Variants in SUSD1 observed in about 807,000 individuals in gnomAD.
The protein encoded by SUSD1 is sushi domain containing 1, also known as sushi domain-containing protein 1.
Under a neutral mutation model 86.9 loss-of-function variants are expected in SUSD1, and 65 were observed. That is an observed-to-expected ratio of 0.75 (90% CI 0.61 to 0.92). The LOEUF (loss-of-function observed/expected upper bound fraction) is 0.92. Among genes scored for constraint, SUSD1 ranks in the 40% least tolerant of loss-of-function variants. The probability of loss-of-function intolerance (pLI) is 0.00; values close to 1 mark genes in which losing one functional copy is unlikely to be tolerated. For missense variants in SUSD1, 850 were observed against 929.7 expected (o/e 0.91, Z 1.11); for synonymous variants, 346 against 350.0 (o/e 0.99, Z 0.13).
At chr9:112,164,518 C>G (rs1046882629) in intron 1 of SUSD1, among the ~76,000 whole-genome samples, 9 of 150,658 alleles carry the variant, frequency 6.0e-5, no homozygotes, top group African/African-American at 2.2e-4. Context: ...TGCACTCCAG[C>G]CTAGAAAACA....
intron 3 of SUSD1, among the ~76,000 whole-genome samples, chr9:112,145,004 G>C (rs1368369247): frequency 6.6e-6 from 1 of 152,100 alleles, no homozygotes; most frequent in African/African-American, 2.4e-5. Context: ...TGCTCAAGAG[G>C]CTGAGGCAGG....
intron 10 of SUSD1, among the ~76,000 whole-genome samples, chr9:112,088,017 G>T (rs1830054451): frequency 6.6e-6 from 1 of 152,188 alleles, no homozygotes. Flanking sequence ...AAAGAATCAG[G>T]CTGCATCAGA....
chr9:112,066,099 A>C (rs1201129894), intron 12 of SUSD1, among the ~76,000 whole-genome samples: 3 of 152,348 alleles, frequency 2.0e-5, no homozygotes, highest in Middle Eastern at 3.4e-3. Flanking sequence ...TGTGGAACTC[A>C]GTAATTTGAC....
At chr9:112,118,142 T>C (rs1831405914) in intron 6 of SUSD1, among the ~76,000 whole-genome samples, 1 of 152,194 alleles carries the variant, frequency 6.6e-6, no homozygotes, top group Non-Finnish European at 1.5e-5. Context: ...CCCAAACAGA[T>C]GGTCAAGCAA....
intron 10 of SUSD1, among the ~76,000 whole-genome samples, chr9:112,081,106 C>G (rs542300438): frequency 6.6e-6 from 1 of 152,334 alleles, no homozygotes; most frequent in South Asian, 2.1e-4. Flanking sequence ...ATTCAAAACC[C>G]TGACATCAGA....
At chr9:112,127,137 C>T (rs1171312221) in intron 5 of SUSD1, among the ~76,000 whole-genome samples, 1 of 152,048 alleles carries the variant, frequency 6.6e-6, no homozygotes, top group Non-Finnish European at 1.5e-5. Flanking sequence ...TTTGGGAGGC[C>T]GAGGCAGGCA....
intron 3 of SUSD1, among the ~76,000 whole-genome samples, chr9:112,147,594 C>T (rs914266689): frequency 1.3e-5 from 2 of 151,932 alleles, no homozygotes; most frequent in African/African-American, 4.8e-5. Context: ...CATGGTGAAA[C>T]CCCGTCTCTC....
At chr9:112,043,615 T>C (rs1827835779) in intron 15 of SUSD1, among the ~76,000 whole-genome samples, 1 of 152,174 alleles carries the variant, frequency 6.6e-6, no homozygotes, top group South Asian at 2.1e-4. Flanking sequence ...TCTGTCTTGA[T>C]AAATCAGCTC....
At chr9:112,139,180 T>A (rs759630453) in intron 5 of SUSD1, among the ~76,000 whole-genome samples, 6 of 152,346 alleles carry the variant, frequency 3.9e-5, no homozygotes. Flanking sequence ...CTATTTGTAG[T>A]ATTCCAGAAA....
rs185169866 is a variant in SUSD1 at position 112,074,864 on chromosome 9, G to A, written c.1753+3674C>T. Among the ~76,000 whole-genome samples, 38 of 149,252 alleles carry A rather than the reference G, an allele frequency of 2.5e-4. No homozygotes were observed. In the South Asian group the frequency reaches 7.6e-3, roughly 30 times the overall value. On this transcript the variant is annotated intron_variant, in intron 12 of 16. Transcript: ENST00000374270. ...TTTTTTTATGCTTCTTTAAAATTACGAGTCCTTTAAAGTGGGTAGAGTTGG... is the reference window on the plus strand; with the variant it reads ...TTTTTTTATGCTTCTTTAAAATTACAAGTCCTTTAAAGTGGGTAGAGTTGG...
chr9:112,165,197 T>A (rs1481921445), intron 1 of SUSD1, among the ~76,000 whole-genome samples: 1 of 152,204 alleles, frequency 6.6e-6, no homozygotes, highest in Non-Finnish European at 1.5e-5. Context: ...CTGTTTATAT[T>A]TATGGGGTAC....
At chr9:112,146,271 T>A (rs1229035754) in intron 3 of SUSD1, 2 of 152,184 alleles carry the variant, frequency 1.3e-5, no homozygotes, top group African/African-American at 4.8e-5. Context: ...TGGCTGCCAG[T>A]GGACATGGTC....
intron 10 of SUSD1, among the ~76,000 whole-genome samples, chr9:112,089,053 G>C (rs1396796885): frequency 6.6e-6 from 1 of 152,162 alleles, no homozygotes; most frequent in African/African-American, 2.4e-5. Flanking sequence ...GCTACAGTGA[G>C]CTATGATCAA....
At chr9:112,114,777 A>C (rs1831242697) in intron 6 of SUSD1, among the ~76,000 whole-genome samples, 1 of 152,094 alleles carries the variant, frequency 6.6e-6, no homozygotes, top group Non-Finnish European at 1.5e-5. Context: ...AGTGCAGGGG[A>C]GTTAAAATCC....
chr9:112,047,202 C>T (rs1827993449), intron 15 of SUSD1, among the ~76,000 whole-genome samples: 1 of 152,054 alleles, frequency 6.6e-6, no homozygotes, highest in Non-Finnish European at 1.5e-5. Context: ...TTCACATGGC[C>T]AGAGCAGGAG....
rs762062313 is a variant in SUSD1 at position 112,078,617 on chromosome 9, C to T, written c.1674G>A (p.Pro558=). 9.3e-6 allele frequency: 15 copies of T among 1,613,848 alleles called. No individual in the cohort carries two copies. The highest frequency in any genetic ancestry group is 1.6e-4 in the Middle Eastern group (1 of 6,084). The change falls in exon 12 of 17, where the codon CCG becomes CCA. Residue 558 remains proline (P), a synonymous_variant. Transcript: ENST00000374270. ...RDPEVCLDLR[P]GTNYNVSLRA... is the part of the protein sequence containing the mutation. ...GGAGACTGACATTGTAGTTGGTACC[C>T]GGACGTAGGTCCAAGCACACCTCGG...
chr9:112,091,916 G>C (rs994425069), intron 10 of SUSD1, among the ~76,000 whole-genome samples: 48 of 152,172 alleles, frequency 3.2e-4, no homozygotes, highest in African/African-American at 1.2e-3. Context: ...ATTACAAGGA[G>C]AGGAATTTTG....
chr9:112,110,234 A>G (rs749315415), intron 8 of SUSD1, among the ~76,000 whole-genome samples: 1 of 152,180 alleles, frequency 6.6e-6, no homozygotes, highest in Non-Finnish European at 1.5e-5. Flanking sequence ...CTGTAATCCC[A>G]GCTACTCAGA....
In SUSD1 at chr9:112,093,948, G is replaced by C. The variant is rs112606454; in HGVS notation, c.1474+4522C>G. On this transcript the variant is annotated intron_variant, in intron 10 of 16. Coordinates refer to ENST00000374270, the MANE Select transcript of SUSD1 (RefSeq NM_022486.5). ...TAGCTACCACTTTTTTTTTATTTCA[G>C]TCTTTCTTTTCTTATTATGTCTCCG... Among the ~76,000 whole-genome samples the C allele has an allele frequency of 9.5e-3, 1,451 of 152,150 alleles. 17 individuals are homozygous for C. The highest frequency in any genetic ancestry group is 0.027 in the Middle Eastern group (8 of 294).
Sources: gnomAD v4.1 joint callset for allele counts (sites outside exome capture counted in the v4.1 genomes callset) on GRCh38, gnomAD v4.1.1 for gene constraint, MANE v1.5 for transcripts, NCBI Gene and HGNC (gene_info 2026-07-23, HGNC 2026-07-21) for gene names.